Variants in EPHA6 observed in about 807,000 individuals in gnomAD.
The protein encoded by EPHA6 is ephrin type-A receptor 6.
Under a neutral mutation model 112.0 loss-of-function variants are expected in EPHA6, and 50 were observed. The ratio of observed to expected loss-of-function variants is 0.45; its 90% CI spans 0.36 to 0.56. The LOEUF (loss-of-function observed/expected upper bound fraction) is 0.56. EPHA6 is among the 20% of genes least tolerant of loss of function. The probability of loss-of-function intolerance (pLI) is 0.00; values close to 1 mark genes in which losing one functional copy is unlikely to be tolerated. For missense variants in EPHA6, 1,280 were observed against 1,417.4 expected (o/e 0.90, Z 1.56); for synonymous variants, 529 against 490.7 (o/e 1.08, Z -1.03).
At chr3:97,066,133 A>T (rs1442157882) in intron 3 of EPHA6, among the ~76,000 whole-genome samples, 1 of 152,050 alleles carries the variant, frequency 6.6e-6, no homozygotes, top group Non-Finnish European at 1.5e-5. Context: ...AATAAAATCA[A>T]GGAGGGGGTA....
intron 2 of EPHA6, among the ~76,000 whole-genome samples, chr3:96,949,477 G>T (rs927987181): frequency 8.6e-5 from 13 of 151,744 alleles, no homozygotes; most frequent in Non-Finnish European, 1.6e-4. Context: ...TGACATGATG[G>T]GACTTTTTGA....
chr3:97,056,756 C>T (rs928696860), intron 3 of EPHA6, among the ~76,000 whole-genome samples: 19 of 152,108 alleles, frequency 1.2e-4, no homozygotes, highest in South Asian at 2.1e-4. Context: ...GGGTTTGCAA[C>T]GCGGCATCTT....
chr3:97,117,266 C>A lies in EPHA6; in HGVS notation c.1115-108998C>A, dbSNP rs116662228. 3.0e-3 allele frequency among the ~76,000 whole-genome samples: 462 copies of A among 151,662 alleles called. 3 individuals carry two copies. The highest frequency in any genetic ancestry group is 0.01 in the African/African-American group (420 of 41,480). On this transcript the variant is annotated intron_variant, in intron 3 of 17. Coordinates refer to ENST00000389672, the MANE Select transcript of EPHA6 (RefSeq NM_001080448.3). ...ATGGTTTGCAAAATTTTTCTCCATT[C>A]TCTAGGTTTTTTCTTTATTCTGTTG...
chr3:97,190,862 T>G (rs116182772), intron 3 of EPHA6, among the ~76,000 whole-genome samples: 2,300 of 151,954 alleles, frequency 0.015, 72 homozygotes, highest in African/African-American at 0.052. Context: ...AAACTTAAAG[T>G]ATAATAAAAA....
intron 10 of EPHA6, among the ~76,000 whole-genome samples, chr3:97,505,872 G>T (rs1213562507): frequency 6.6e-6 from 1 of 152,078 alleles, no homozygotes; most frequent in Non-Finnish European, 1.5e-5. Context: ...TTTAATGATC[G>T]CCATTCTAAC....
At chr3:96,938,672 TC>T (rs1241765312) in intron 2 of EPHA6, among the ~76,000 whole-genome samples, 4 of 151,858 alleles carry the variant, frequency 2.6e-5, no homozygotes, top group Non-Finnish European at 4.4e-5. Flanking sequence ...AGAGAGGGCA[TC>T]CCTGTCTTGT....
chr3:97,552,515 G>A (rs151094655), intron 11 of EPHA6, among the ~76,000 whole-genome samples: 1 of 152,156 alleles, frequency 6.6e-6, no homozygotes, highest in Non-Finnish European at 1.5e-5. Context: ...ATGGAATGAG[G>A]AGTGTATTTT....
chr3:97,482,804 G>T (rs1438387780), intron 9 of EPHA6, among the ~76,000 whole-genome samples: 1 of 152,128 alleles, frequency 6.6e-6, no homozygotes, highest in African/African-American at 2.4e-5. Flanking sequence ...CATCCACTCT[G>T]CCACAAATTT....
At position 97,526,022 on chromosome 3, in the gene EPHA6, T is replaced by A. The variant is rs559641242; in HGVS notation, c.2201-6336T>A. ...GCTGAGATGGGCTTAAACTGAGACA[T>A]AAGATTGTTTCAGGATATACAACCA... On this transcript the variant is annotated intron_variant, in intron 10 of 17. Coordinates refer to ENST00000389672, the MANE Select transcript of EPHA6 (RefSeq NM_001080448.3). Among the ~76,000 whole-genome samples, 216 of 152,218 alleles carry A rather than the reference T, an allele frequency of 1.4e-3. 1 individual carries two copies. The highest frequency in any genetic ancestry group is 6.8e-3 in the Middle Eastern group (2 of 294).
At chr3:96,815,809 C>G (rs1408064611) in intron 1 of EPHA6, among the ~76,000 whole-genome samples, 2 of 152,086 alleles carry the variant, frequency 1.3e-5, no homozygotes, top group South Asian at 2.1e-4. Context: ...AAATATATCT[C>G]CTTGTATTTC....
At chr3:97,227,421 A>C (rs1406008757) in intron 4 of EPHA6, among the ~76,000 whole-genome samples, 2 of 152,094 alleles carry the variant, frequency 1.3e-5, no homozygotes, top group African/African-American at 4.8e-5. Context: ...GGGTTTCACC[A>C]TGTTGGCCAG....
intron 3 of EPHA6, among the ~76,000 whole-genome samples, chr3:97,048,082 G>A (rs1034285398): frequency 6.6e-6 from 1 of 152,018 alleles, no homozygotes; most frequent in African/African-American, 2.4e-5. Flanking sequence ...ATTCAAATAT[G>A]GAACATATAA....
In EPHA6 at chr3:97,166,257, T is replaced by C. The variant is rs559559217; in HGVS notation, c.1115-60007T>C. On this transcript the variant is annotated intron_variant, in intron 3 of 17. Coordinates refer to ENST00000389672, the MANE Select transcript of EPHA6 (RefSeq NM_001080448.3). ...TACACACTTTAAACAATTAGTTTGA[T>C]ATTAAAATACCTTTATAGTTTTTAA... 3.3e-5 allele frequency among the ~76,000 whole-genome samples: 5 copies of C among 152,246 alleles called. No homozygotes were observed. The South Asian group carries it at 1.0e-3, about 32-fold the overall frequency.
chr3:97,009,259 A>C (rs535853340), intron 3 of EPHA6, among the ~76,000 whole-genome samples: 1 of 152,116 alleles, frequency 6.6e-6, no homozygotes, highest in African/African-American at 2.4e-5. Context: ...TCCTTCCCCT[A>C]GGGGCTAAGG....
At chr3:97,309,795 A>G (rs547332627) in intron 5 of EPHA6, among the ~76,000 whole-genome samples, 12 of 151,790 alleles carry the variant, frequency 7.9e-5, no homozygotes. Flanking sequence ...AAAATGTCTA[A>G]TAAAATTTAT....
intron 3 of EPHA6, among the ~76,000 whole-genome samples, chr3:97,012,619 A>G (rs1416890751): frequency 2.7e-5 from 4 of 145,948 alleles, no homozygotes. Flanking sequence ...ATATATATAT[A>G]TATGTATTTT....
chr3:97,742,231 A>T (rs1386537702), intron 16 of EPHA6, among the ~76,000 whole-genome samples: 2 of 152,110 alleles, frequency 1.3e-5, no homozygotes, highest in East Asian at 3.9e-4. Context: ...TCTCATGACA[A>T]CATTTTGACA....
intron 14 of EPHA6, among the ~76,000 whole-genome samples, chr3:97,654,961 A>G (rs1180838695): frequency 6.6e-6 from 1 of 151,698 alleles, no homozygotes; most frequent in Non-Finnish European, 1.5e-5. Flanking sequence ...GATAGCAAAG[A>G]GATCCATTTG....
chr3:97,439,181 G>T (rs955692407), intron 6 of EPHA6, among the ~76,000 whole-genome samples: 3 of 152,084 alleles, frequency 2.0e-5, no homozygotes, highest in Non-Finnish European at 2.9e-5. Flanking sequence ...AGGAATATAT[G>T]AAAATAGTCA....
Sources: gnomAD v4.1 joint callset for allele counts (sites outside exome capture counted in the v4.1 genomes callset) on GRCh38, gnomAD v4.1.1 for gene constraint, MANE v1.5 for transcripts, NCBI Gene and HGNC (gene_info 2026-07-23, HGNC 2026-07-21) for gene names.